YTHDF2: variants seen among roughly 807,000 people sequenced by gnomAD.
YTHDF2 encodes YTH N6-methyladenosine RNA binding protein F2.
A neutral mutation model predicts 50.4 loss-of-function variants in YTHDF2; 2 were observed. The observed-to-expected ratio is 0.04, with a 90% CI of 0.02 to 0.12. The LOEUF (loss-of-function observed/expected upper bound fraction) is 0.12. Among genes scored for constraint, YTHDF2 ranks in the 10% least tolerant of loss-of-function variants. The pLI is 1.00. For synonymous variants in YTHDF2, 217 were observed against 255.6 expected (o/e 0.85, Z 1.44); for missense variants, 483 against 722.6 (o/e 0.67, Z 3.80).
chr1:28,737,040 C>G lies in YTHDF2; in HGVS notation c.-81C>G. On this transcript the variant is annotated 5_prime_UTR_variant, in exon 1 of 5. Transcript: ENST00000373812. ...TCAGGGACAAAAGCCTCCGCCTGCTCCCGCAGACGGGGCTCATCTGCCGCC... is the reference window on the plus strand; with the variant it reads ...TCAGGGACAAAAGCCTCCGCCTGCTGCCGCAGACGGGGCTCATCTGCCGCC... 1.3e-6 allele frequency: 2 copies of G among 1,525,382 alleles called. No homozygotes were observed. The highest frequency in any genetic ancestry group is 1.8e-6 in the Non-Finnish European group (2 of 1,130,508). 94.5% of individuals were successfully genotyped at this position (1,525,382 alleles called of 1,614,324 possible). A position where few individuals can be genotyped will look rare whatever the true frequency, so the allele number is the denominator to read the frequency against.
chr1:28,757,431 C>T lies in YTHDF2; in HGVS notation c.1717-11498C>T, dbSNP rs1460557717. On this transcript the variant is annotated intron_variant, in intron 4 of 4. Transcript: ENST00000373812. ...GAAGGGACAGGGGCTGGCAGTTGTTCTACTTTCCAACTCATTTGCACTTGG... is the reference window on the plus strand; with the variant it reads ...GAAGGGACAGGGGCTGGCAGTTGTTTTACTTTCCAACTCATTTGCACTTGG... Among the ~76,000 whole-genome samples, 3 of 105,672 alleles carry T rather than the reference C, an allele frequency of 2.8e-5. No individual in the cohort carries two copies. The East Asian group carries it at 6.2e-4, about 22-fold the overall frequency. 69.3% of individuals were successfully genotyped at this position (105,672 alleles called of 152,430 possible). A position where few individuals can be genotyped will look rare whatever the true frequency, so the allele number is the denominator to read the frequency against.
chr1:28,743,249 C>A lies in YTHDF2; in HGVS notation c.979C>A (p.Gln327Lys). 1 of 1,614,162 alleles carries A rather than the reference C, an allele frequency of 6.2e-7. No individual in the cohort carries two copies. The highest frequency in any genetic ancestry group is 8.5e-7 in the Non-Finnish European group (1 of 1,180,040). Reference protein sequence around the residue: ...VAQASVGQQTQPLPPPPPQPA... With the variant: ...VAQASVGQQTKPLPPPPPQPA... ...TCAGGCATCAGTAGGGCAACAGACA[C>A]AGCCATTGCCTCCACCTCCACCACA... The change falls in exon 4 of 5, where the codon CAG (glutamine) becomes AAG (lysine). Residue 327 changes from glutamine to lysine, a missense_variant. This residue lies in a region of YTHDF2 where 385 missense variants were observed against 475.8 expected (regional missense o/e 0.81). Coordinates refer to ENST00000373812, the MANE Select transcript of YTHDF2 (RefSeq NM_016258.3). The surrounding 1 kb of genome is among the most constrained non-coding windows in gnomAD (Gnocchi z 6.9).
intron 4 of YTHDF2, among the ~76,000 whole-genome samples, chr1:28,750,087 T>C (rs1431621264): frequency 7.2e-6 from 1 of 138,838 alleles, no homozygotes; most frequent in Non-Finnish European, 1.5e-5. Context: ...GCCTCCCAGG[T>C]TCAAGCGATT....
chr1:28,760,495 C>T (rs1229400165), intron 4 of YTHDF2, among the ~76,000 whole-genome samples: 5 of 151,962 alleles, frequency 3.3e-5, no homozygotes, highest in East Asian at 1.9e-4. Context: ...GGGGTTTCAC[C>T]GTGTTAGCCA....
At chr1:28,752,736 A>T (rs1313111289) in intron 4 of YTHDF2, among the ~76,000 whole-genome samples, 2 of 149,914 alleles carry the variant, frequency 1.3e-5, no homozygotes, top group African/African-American at 2.4e-5. Flanking sequence ...GCTCTTAAAC[A>T]TTTTTTTTCA....
At chr1:28,751,016 T>A (rs905624193) in intron 4 of YTHDF2, among the ~76,000 whole-genome samples, 63 of 142,370 alleles carry the variant, frequency 4.4e-4, no homozygotes, top group African/African-American at 1.7e-3. Flanking sequence ...TCGCTTGAAC[T>A]TGGGAGATGG....
chr1:28,756,476 C>A (rs1410456239), intron 4 of YTHDF2, among the ~76,000 whole-genome samples: 1 of 152,058 alleles, frequency 6.6e-6, no homozygotes, highest in Non-Finnish European at 1.5e-5. Context: ...TTTTTCCCTG[C>A]AAACAAAACT....
intron 1 of YTHDF2, 176 bp downstream of exon 1, chr1:28,737,323 C>T (rs2087705754): frequency 2.4e-6 from 2 of 827,924 alleles, no homozygotes; most frequent in East Asian, 3.2e-5. Flanking sequence ...CCTGTTCTTC[C>T]CGCTTCTCCT....
chr1:28,752,697 G>A (rs889697884), intron 4 of YTHDF2, among the ~76,000 whole-genome samples: 3 of 152,030 alleles, frequency 2.0e-5, no homozygotes, highest in Admixed American at 1.3e-4. Flanking sequence ...AATATTGATT[G>A]CAGATTAAAT....
intron 4 of YTHDF2, among the ~76,000 whole-genome samples, chr1:28,763,477 A>G (rs1171217697): frequency 6.6e-6 from 1 of 151,794 alleles, no homozygotes; most frequent in Non-Finnish European, 1.5e-5. Context: ...TTTTATTGAG[A>G]TGGAATCTCC....
intron 4 of YTHDF2, among the ~76,000 whole-genome samples, chr1:28,754,821 T>C (rs1332266847): frequency 1.3e-5 from 2 of 151,574 alleles, no homozygotes; most frequent in Non-Finnish European, 1.5e-5. Context: ...ACAAAAAAAT[T>C]AGCCAAGAGT....
intron 1 of YTHDF2, 95 bp from the exon 2 acceptor site, chr1:28,737,563 T>C: frequency 6.4e-7 from 1 of 1,570,692 alleles, no homozygotes; most frequent in South Asian, 1.1e-5. Context: ...GGCCTGCTCC[T>C]TTATTCTCCC....
intron 4 of YTHDF2, among the ~76,000 whole-genome samples, chr1:28,747,459 A>G (rs1009503316): frequency 6.6e-6 from 1 of 151,064 alleles, no homozygotes; most frequent in East Asian, 2.0e-4. Flanking sequence ...AATCCCAGCT[A>G]CTACTTGCAG....
At chr1:28,754,289 A>G (rs538821325) in intron 4 of YTHDF2, among the ~76,000 whole-genome samples, 78 of 152,324 alleles carry the variant, frequency 5.1e-4, no homozygotes, top group Non-Finnish European at 8.7e-4. Flanking sequence ...GCACTTTGGG[A>G]GGCCAAGGTT....
chr1:28,745,212 G>C (rs992909226), intron 4 of YTHDF2, among the ~76,000 whole-genome samples: 4 of 152,170 alleles, frequency 2.6e-5, no homozygotes, highest in Admixed American at 2.6e-4. Context: ...TGGAGGAAGG[G>C]CTCGTTGGTA....
intron 3 of YTHDF2, among the ~76,000 whole-genome samples, chr1:28,741,807 T>G (rs2087781101): frequency 6.6e-6 from 1 of 152,234 alleles, no homozygotes; most frequent in African/African-American, 2.4e-5. Flanking sequence ...GTTATTCTTG[T>G]TTTATTATCA....
At chr1:28,744,416 G>A (rs1004677169) in intron 4 of YTHDF2, among the ~76,000 whole-genome samples, 24 of 152,180 alleles carry the variant, frequency 1.6e-4, no homozygotes, top group African/African-American at 5.5e-4. Context: ...TTATTTTCAA[G>A]AGTCAATATG....
intron 4 of YTHDF2, among the ~76,000 whole-genome samples, chr1:28,764,157 G>A (rs889987417): frequency 6.6e-6 from 1 of 151,242 alleles, no homozygotes; most frequent in African/African-American, 2.4e-5. Context: ...CTCCATGTTG[G>A]TCAGGCTGGT....
At chr1:28,765,280 A>T (rs542268806) in intron 4 of YTHDF2, among the ~76,000 whole-genome samples, 18 of 152,134 alleles carry the variant, frequency 1.2e-4, no homozygotes, top group Admixed American at 9.2e-4. Context: ...GATTACAGAC[A>T]TGAGCCACCA....
Sources: allele counts gnomAD v4.1 joint callset (sites outside exome capture counted in the v4.1 genomes callset), GRCh38; gene constraint gnomAD v4.1.1; regional missense constraint gnomAD v4.1.1; non-coding constraint Gnocchi (gnomAD v3.1); transcripts MANE v1.5; gene names NCBI Gene and HGNC (gene_info 2026-07-23, HGNC 2026-07-21).